Variants in ALG14 observed in about 807,000 individuals in gnomAD.
The protein encoded by ALG14 is UDP-N-acetylglucosamine transferase subunit ALG14.
A neutral mutation model predicts 22.8 loss-of-function variants in ALG14; 17 were observed. That is an observed-to-expected ratio of 0.75 (90% CI 0.51 to 1.12). ALG14 has a LOEUF of 1.12. Ranked by LOEUF, ALG14 falls within the 50% of genes most tolerant of loss-of-function variation. The pLI, the probability that ALG14 is intolerant of heterozygous loss-of-function variation, is 0.00. For missense variants in ALG14, 288 were observed against 271.8 expected (o/e 1.06, Z -0.42); for synonymous variants, 89 against 103.7 (o/e 0.86, Z 0.86).
Position 95,052,292 on chromosome 1 carries a change from T to C in ALG14, c.288+12574A>G, listed in dbSNP as rs1307029315. ...CAAGGGTAAGAAAGAAAATGCCATA[T>C]AAATATACATCTAAATAAGCACAAC... On this transcript the variant is annotated intron_variant, in intron 2 of 3. Coordinates refer to ENST00000370205, the MANE Select transcript of ALG14 (RefSeq NM_144988.4). 3.3e-5 allele frequency among the ~76,000 whole-genome samples: 5 copies of C among 152,070 alleles called. No individual in the cohort carries two copies. The East Asian group carries it at 7.7e-4, about 23-fold the overall frequency.
chr1:95,026,609 A>G (rs190415677), intron 3 of ALG14, among the ~76,000 whole-genome samples: 8 of 152,148 alleles, frequency 5.3e-5, no homozygotes, highest in Non-Finnish European at 1.2e-4. Flanking sequence ...ACTGTCCCCA[A>G]ACAATTACAA....
chr1:95,072,908 C>T lies in ALG14; in HGVS notation c.-10G>A. Reference sequence around the variant, plus strand: ...CGAGAACGCACACCATGCAGAGAAACGGCGCATGCGTCCAACTTCCGGGGA... The same window carrying T: ...CGAGAACGCACACCATGCAGAGAAATGGCGCATGCGTCCAACTTCCGGGGA... On this transcript the variant is annotated 5_prime_UTR_variant, in exon 1 of 4. Transcript: ENST00000370205. The T allele has an allele frequency of 6.2e-7, 1 of 1,613,524 alleles. No individual in the cohort carries two copies. Among genetic ancestry groups the T allele is most frequent in the Non-Finnish European group, 8.5e-7 (1 of 1,179,854 alleles).
intron 3 of ALG14, among the ~76,000 whole-genome samples, chr1:94,995,438 C>T (rs1179384354): frequency 3.3e-5 from 5 of 152,080 alleles, no homozygotes; most frequent in Admixed American, 2.6e-4. Context: ...TTGGGCAAGG[C>T]GCAGTGGCTC....
intron 2 of ALG14, among the ~76,000 whole-genome samples, chr1:95,054,281 A>G (rs778800898): frequency 6.6e-6 from 1 of 152,220 alleles, no homozygotes; most frequent in Non-Finnish European, 1.5e-5. Flanking sequence ...ATGGTTGGTC[A>G]TGATCTCCTT....
At position 95,042,541 on chromosome 1, in the gene ALG14, G is replaced by A. The variant is rs551665451; in HGVS notation, c.289-15281C>T. Reference sequence around the variant, plus strand: ...TGAGAATTCCCTTCCCTTCTCTCCTGGACTGAGGCCCAGATCCCTGGAACT... The same window carrying A: ...TGAGAATTCCCTTCCCTTCTCTCCTAGACTGAGGCCCAGATCCCTGGAACT... On this transcript the variant is annotated intron_variant, in intron 2 of 3. Coordinates refer to ENST00000370205, the MANE Select transcript of ALG14 (RefSeq NM_144988.4). Among the ~76,000 whole-genome samples, 111 of 152,174 alleles carry A rather than the reference G, an allele frequency of 7.3e-4. 1 individual carries two copies. The highest frequency in any genetic ancestry group is 1.4e-3 in the Non-Finnish European group (93 of 68,000).
chr1:95,052,677 T>A (rs60549805), intron 2 of ALG14, among the ~76,000 whole-genome samples: 6,991 of 151,950 alleles, frequency 0.046, 214 homozygotes, highest in South Asian at 0.087. Flanking sequence ...GGGCAACATG[T>A]TGAGACCCTG....
intron 2 of ALG14, among the ~76,000 whole-genome samples, chr1:95,047,330 T>C (rs1309469998): frequency 6.6e-6 from 1 of 152,146 alleles, no homozygotes; most frequent in Non-Finnish European, 1.5e-5. Flanking sequence ...AAACTTTCAC[T>C]GTTTACTTTG....
chr1:95,013,137 TA>T (rs909336287), intron 3 of ALG14, among the ~76,000 whole-genome samples: 5 of 147,076 alleles, frequency 3.4e-5, no homozygotes, highest in East Asian at 2.0e-4. Context: ...AAAGAAACAA[TA>T]AAAAAAAACC....
intron 3 of ALG14, among the ~76,000 whole-genome samples, chr1:94,984,747 G>A (rs143636837): frequency 1.0e-3 from 156 of 152,264 alleles, no homozygotes; most frequent in African/African-American, 3.6e-3. Flanking sequence ...TGAGAGTCAG[G>A]GGAACAAGGT....
chr1:94,983,165 G>C lies in ALG14; in HGVS notation c.562C>G (p.Leu188Val). Residue 188 changes from leucine to valine, a missense_variant, in exon 4 of 4, where the codon CTG (leucine) becomes GTG (valine). By Grantham distance (32) the Leu-to-Val change is conservative. Coordinates refer to ENST00000370205, the MANE Select transcript of ALG14 (RefSeq NM_144988.4). ...ATGAAGTAATCTGAGAGATGAAACA[G>C]AATCTTTCCGGACATGGATAACGTT... is the stretch of plus-strand genomic sequence containing the variant. ...VETLSMSGKI[L>V]FHLSDYFIVQ... 1 of 1,614,126 alleles carries C rather than the reference G, an allele frequency of 6.2e-7. No individual in the cohort carries two copies. The highest frequency in any genetic ancestry group is 1.3e-5 in the African/African-American group (1 of 75,018).
intron 2 of ALG14, among the ~76,000 whole-genome samples, chr1:95,041,315 T>C (rs947771799): frequency 7.2e-5 from 11 of 152,202 alleles, no homozygotes; most frequent in African/African-American, 2.7e-4. Flanking sequence ...AGTTGTAATA[T>C]ACATTACAGT....
At chr1:95,072,398 T>A (rs1459164107) in intron 1 of ALG14, among the ~76,000 whole-genome samples, 1 of 152,238 alleles carries the variant, frequency 6.6e-6, no homozygotes, top group Non-Finnish European at 1.5e-5. Flanking sequence ...GTAGCATTCG[T>A]GTTTCCTAAA....
chr1:94,990,562 T>A (rs1672746288), intron 3 of ALG14, among the ~76,000 whole-genome samples: 1 of 152,196 alleles, frequency 6.6e-6, no homozygotes, highest in Non-Finnish European at 1.5e-5. Context: ...GGGGTCTACT[T>A]TTCCACGTAT....
chr1:94,983,560 T>C, intron 3 of ALG14: 1 of 476,304 alleles, frequency 2.1e-6, no homozygotes, highest in Non-Finnish European at 3.8e-6. Flanking sequence ...TTCTAACTTC[T>C]AGCACAGTTC....
chr1:95,056,474 G>T (rs1261010477), intron 2 of ALG14, among the ~76,000 whole-genome samples: 2 of 151,604 alleles, frequency 1.3e-5, no homozygotes, highest in African/African-American at 4.9e-5. Context: ...GAGAAATTCT[G>T]TCTCTACAAA....
At chr1:95,028,998 T>G (rs1230277683) in intron 2 of ALG14, among the ~76,000 whole-genome samples, 1 of 152,248 alleles carries the variant, frequency 6.6e-6, no homozygotes, top group Non-Finnish European at 1.5e-5. Flanking sequence ...ATATATTGGT[T>G]ACCTATTTCT....
At chr1:95,045,668 A>T (rs941580962) in intron 2 of ALG14, among the ~76,000 whole-genome samples, 5 of 140,102 alleles carry the variant, frequency 3.6e-5, no homozygotes, top group Non-Finnish European at 7.9e-5. Context: ...AGAATGGTAT[A>T]CTAATAGAAT....
rs370726726 is a variant in ALG14, at chr1:95,008,372, A to G, written c.420+18757T>C. On this transcript the variant is annotated intron_variant, in intron 3 of 3. Coordinates refer to ENST00000370205, the MANE Select transcript of ALG14 (RefSeq NM_144988.4). ...AAAATCCAAGCCAACAGGGTAAAAT[A>G]AACCTCTAGTGAGATAAGCTTATGT... Among the ~76,000 whole-genome samples the G allele has an allele frequency of 6.6e-5, 10 of 152,362 alleles. No individual in the cohort carries two copies. In the South Asian group the frequency reaches 1.4e-3, roughly 22 times the overall value.
At chr1:95,063,835 TA>T (rs1308986227) in intron 2 of ALG14, among the ~76,000 whole-genome samples, 1 of 152,216 alleles carries the variant, frequency 6.6e-6, no homozygotes, top group Admixed American at 6.5e-5. Flanking sequence ...AATGGTGGTT[TA>T]ATGGGAATAG....
Sources: allele counts gnomAD v4.1 joint callset (sites outside exome capture counted in the v4.1 genomes callset), GRCh38; gene constraint gnomAD v4.1.1; transcripts MANE v1.5; gene names NCBI Gene and HGNC (gene_info 2026-07-23, HGNC 2026-07-21).